The following XKR4 variants were observed in gnomAD, a reference collection of about 807,000 sequenced individuals.
The protein encoded by XKR4 is XK-related protein 4.
XKR4 carries 12 observed loss-of-function variants against 53.9 expected under a neutral mutation model. That is an observed-to-expected ratio of 0.22 (90% CI 0.14 to 0.36). The LOEUF (loss-of-function observed/expected upper bound fraction) is 0.36. XKR4 is among the 10% of genes least tolerant of loss of function. The pLI, the probability that XKR4 is intolerant of heterozygous loss-of-function variation, is 1.00. For missense variants in XKR4, 799 were observed against 859.5 expected, an observed-to-expected ratio of 0.93 and a Z score of 0.88; for synonymous variants, 354 against 362.4, an observed-to-expected ratio of 0.98 and a Z score of 0.26.
At chr8:55,477,710 AG>A (rs139361232) in intron 2 of XKR4, among the ~76,000 whole-genome samples, 51,975 of 151,970 alleles carry the variant, frequency 0.34, 10,801 homozygotes, top group African/African-American at 0.6. Flanking sequence ...GAGTCCTTAA[AG>A]GAGCTGATGG....
intron 2 of XKR4, among the ~76,000 whole-genome samples, chr8:55,411,838 C>T (rs573584343): frequency 5.9e-5 from 9 of 152,276 alleles, no homozygotes; most frequent in African/African-American, 1.4e-4. Context: ...TGCCTGACAG[C>T]GCTCTGCTGC....
At chr8:55,156,014 G>C (rs1341153516) in intron 1 of XKR4, among the ~76,000 whole-genome samples, 1 of 152,286 alleles carries the variant, frequency 6.6e-6, no homozygotes, top group East Asian at 1.9e-4. Flanking sequence ...CACTGCTAGA[G>C]ACTGTGATTC....
Position 55,127,150 on chromosome 8 carries a change from C to T in XKR4, c.806+23856C>T, listed in dbSNP as rs1415618915. On this transcript the variant is annotated intron_variant, in intron 1 of 2. Coordinates refer to ENST00000327381, the MANE Select transcript of XKR4 (RefSeq NM_052898.2). ...GATTTCTCCACTTTTCACCTATTCT[C>T]GTATGAGCCAGCTAAAATGCCCCCC... is the stretch of plus-strand genomic sequence containing the variant. Among the ~76,000 whole-genome samples the T allele has an allele frequency of 6.6e-5, 10 of 152,210 alleles. No individual in the cohort carries two copies. In the East Asian group the frequency reaches 1.4e-3, roughly 21 times the overall value.
chr8:55,482,289 T>G (rs113844820), intron 2 of XKR4, among the ~76,000 whole-genome samples: 340 of 151,968 alleles, frequency 2.2e-3, no homozygotes, highest in Non-Finnish European at 3.6e-3. Context: ...AGCAAACTAT[T>G]GCAAGGACAA....
chr8:55,298,134 C>A (rs1228022878), intron 1 of XKR4, among the ~76,000 whole-genome samples: 1 of 151,948 alleles, frequency 6.6e-6, no homozygotes, highest in Non-Finnish European at 1.5e-5. Context: ...CTCTTACGTA[C>A]CAAAAATAAT....
rs1053597752 is a variant in XKR4 at position 55,492,790 on chromosome 8, T to C, written c.1007-30491T>C. Among the ~76,000 whole-genome samples the C allele has an allele frequency of 2.0e-5, 3 of 152,254 alleles. No homozygotes were observed. In the South Asian group the frequency reaches 6.2e-4, roughly 32 times the overall value. ...CCTTTAAATTCCATGGAATCCTGCA[T>C]TTTTTTCAGTCTCGTGATTTACAGA... On this transcript the variant is annotated intron_variant, in intron 2 of 2. Transcript: ENST00000327381.
intron 1 of XKR4, among the ~76,000 whole-genome samples, chr8:55,234,799 G>C (rs968958442): frequency 4.6e-5 from 7 of 152,154 alleles, no homozygotes; most frequent in African/African-American, 1.7e-4. Flanking sequence ...GTGAAAACCA[G>C]GTGTGAGGCT....
intron 1 of XKR4, among the ~76,000 whole-genome samples, chr8:55,300,869 G>A (rs2129376757): frequency 6.6e-6 from 1 of 152,044 alleles, no homozygotes; most frequent in Non-Finnish European, 1.5e-5. Flanking sequence ...AAGGAACAAT[G>A]AAGGCTCTAC....
intron 1 of XKR4, among the ~76,000 whole-genome samples, chr8:55,210,428 C>G (rs1817714415): frequency 6.6e-6 from 1 of 152,164 alleles, no homozygotes; most frequent in South Asian, 2.1e-4. Context: ...TTGCATTTGT[C>G]TAGGTAGTTA....
intron 1 of XKR4, among the ~76,000 whole-genome samples, chr8:55,203,227 T>G (rs997813286): frequency 6.6e-6 from 1 of 152,276 alleles, no homozygotes; most frequent in Non-Finnish European, 1.5e-5. Context: ...GGCTTTGCAC[T>G]ATTGCGCCTG....
Position 55,536,168 on chromosome 8 carries a change from C to A in XKR4, c.*11941C>A, listed in dbSNP as rs1807029257. On this transcript the variant is annotated 3_prime_UTR_variant, in exon 3 of 3. Transcript: ENST00000327381. ...TGTGAATCTCAATTCTGCCAGTCAC[C>A]TAGTCTGTGTATCTGTTCCCAAACT... 6.6e-6 allele frequency: 1 copy of A among 152,190 alleles called. No homozygotes were observed. The highest frequency in any genetic ancestry group is 2.1e-4 in the South Asian group (1 of 4,830). The allele number at this position is 152,190 out of a possible 1,614,324, so 9.4% of individuals were successfully genotyped here.
chr8:55,336,262 C>T (rs764701308), intron 1 of XKR4, among the ~76,000 whole-genome samples: 31 of 152,104 alleles, frequency 2.0e-4, no homozygotes, highest in Admixed American at 5.2e-4. Context: ...ATGGGTTTAT[C>T]ACGGGTTTCC....
chr8:55,336,094 A>G (rs1803457223), intron 1 of XKR4, among the ~76,000 whole-genome samples: 2 of 151,070 alleles, frequency 1.3e-5, no homozygotes, highest in Non-Finnish European at 3.0e-5. Context: ...AAAGTGGGTG[A>G]TATGGTTTGG....
chr8:55,458,417 A>G (rs2135542), intron 2 of XKR4, among the ~76,000 whole-genome samples: 60,954 of 151,494 alleles, frequency 0.4, 12,938 homozygotes, highest in East Asian at 0.53. Context: ...GTTACCCATG[A>G]CCCCTGGAGT....
chr8:55,112,706 G>A (rs886214310), intron 1 of XKR4, among the ~76,000 whole-genome samples: 11 of 151,050 alleles, frequency 7.3e-5, no homozygotes, highest in South Asian at 2.1e-4. Context: ...TCAGTGTGAC[G>A]GTAACAATGA....
At chr8:55,347,293 T>C (rs975918263) in intron 1 of XKR4, among the ~76,000 whole-genome samples, 1 of 152,216 alleles carries the variant, frequency 6.6e-6, no homozygotes, top group Non-Finnish European at 1.5e-5. Context: ...GAGCTGAGAA[T>C]TTAAATGCAA....
At chr8:55,152,039 G>T (rs547633117) in intron 1 of XKR4, among the ~76,000 whole-genome samples, 154 of 152,198 alleles carry the variant, frequency 1.0e-3, no homozygotes, top group African/African-American at 3.5e-3. Context: ...ATTTATAATG[G>T]CAAATTGCCC....
chr8:55,226,966 C>A (rs904888191), intron 1 of XKR4, among the ~76,000 whole-genome samples: 1 of 152,148 alleles, frequency 6.6e-6, no homozygotes, highest in Non-Finnish European at 1.5e-5. Flanking sequence ...GGCTGCTTCC[C>A]AAAAGGCACC....
intron 1 of XKR4, among the ~76,000 whole-genome samples, chr8:55,299,293 G>A (rs1382754613): frequency 6.6e-6 from 1 of 152,148 alleles, no homozygotes; most frequent in East Asian, 1.9e-4. Flanking sequence ...AGGAGCACAA[G>A]GCTGAGAGAA....
Sources: allele counts gnomAD v4.1 joint callset (sites outside exome capture counted in the v4.1 genomes callset), GRCh38; gene constraint gnomAD v4.1.1; transcripts MANE v1.5; gene names NCBI Gene and HGNC (gene_info 2026-07-23, HGNC 2026-07-21).